Variants in P2RX7 observed in about 807,000 individuals in gnomAD.
P2RX7 encodes the protein P2X purinoceptor 7.
A neutral mutation model predicts 71.6 loss-of-function variants in P2RX7; 62 were observed. That is an observed-to-expected ratio of 0.87 (90% confidence interval 0.71 to 1.07). The LOEUF is 1.07. Among genes scored for constraint, P2RX7 ranks in the 50% least tolerant of loss-of-function variants. P2RX7 has a pLI of 0.00. For synonymous variants in P2RX7, 299 were observed against 283.3 expected, an observed-to-expected ratio of 1.06 and a Z score of -0.56; for missense variants, 686 against 748.5, an observed-to-expected ratio of 0.92 and a Z score of 0.97.
chr12:121,175,945 G>T (rs866304204), intron 9 of P2RX7, among the ~76,000 whole-genome samples: 6 of 151,890 alleles, frequency 4.0e-5, no homozygotes, highest in African/African-American at 1.5e-4. Context: ...TCTTATATAC[G>T]TCCTCCTTGG....
rs3078950 is a variant in P2RX7, at chr12:121,186,053, C to CAAA, written c.*1263_*1265dup. On this transcript the variant is annotated 3_prime_UTR_variant, in exon 13 of 13. Transcript: ENST00000328963. ...TGGGTGACAGAGCGAGACTCCATCT[C>CAAA]AAAAAAAAAAAAAAGAAAAAAAAAA... 2 of 86,650 alleles carry CAAA rather than the reference C, an allele frequency of 2.3e-5. No homozygotes were observed. The highest frequency in any genetic ancestry group is 4.4e-5 in the African/African-American group (1 of 22,854). 5.4% of individuals were successfully genotyped at this position (86,650 alleles called of 1,614,324 possible).
At position 121,166,183 on chromosome 12, in the gene P2RX7, T is replaced by C. The variant is rs758988384; in HGVS notation, c.740T>C (p.Ile247Thr). 6.2e-7 allele frequency: 1 copy of C among 1,612,938 alleles called. No individual in the cohort carries two copies. The highest frequency in any genetic ancestry group is 2.2e-5 in the East Asian group (1 of 44,866). ...ETGDNFSDVA[I>T]QGGIMGIEIY... ...GGCGATAATTTTTCAGATGTGGCAATTCAGGTTGGTGGTGCTTTGTACACT... is the reference window on the plus strand; with the variant it reads ...GGCGATAATTTTTCAGATGTGGCAACTCAGGTTGGTGGTGCTTTGTACACT... Residue 247 changes from isoleucine to threonine, a missense_variant, in exon 7 of 13, where the codon ATT (isoleucine) becomes ACT (threonine). By Grantham distance (89) the Ile-to-Thr change is moderately conservative (BLOSUM62 -1). Transcript: ENST00000328963.
chr12:121,177,518 A>G, intron 11 of P2RX7, 72 bp downstream of exon 11: 2 of 1,449,406 alleles, frequency 1.4e-6, no homozygotes, highest in Non-Finnish European at 1.9e-6. Context: ...ATGCACGAAA[A>G]TTAGGCCCAA....
chr12:121,178,193 A>C (rs79278143), intron 11 of P2RX7, among the ~76,000 whole-genome samples: 1 of 152,204 alleles, frequency 6.6e-6, no homozygotes, highest in African/African-American at 2.4e-5. Flanking sequence ...CCCGCAGTAC[A>C]TGAGTACAAG....
rs1472001025 is a variant in P2RX7, at chr12:121,160,946, A to G, written c.408A>G (p.Lys136=). Residue 136 remains lysine (K), a synonymous_variant, in exon 4 of 13, where the codon AAA becomes AAG. Transcript: ENST00000328963. ...TCTGTTCCTCTGACCGAGGTTGTAA[A>G]AAGGGATGGATGGACCCGCAGAGCA... The part of the protein sequence containing the change: ...RTLCSSDRGC[K]KGWMDPQSKG... 6.2e-7 allele frequency: 1 copy of G among 1,614,000 alleles called. No homozygotes were observed. The highest frequency in any genetic ancestry group is 1.1e-5 in the South Asian group (1 of 91,084).
chr12:121,160,044 G>A (rs1032662723), intron 3 of P2RX7, among the ~76,000 whole-genome samples: 3 of 152,120 alleles, frequency 2.0e-5, no homozygotes, highest in African/African-American at 7.2e-5. Flanking sequence ...TATAATCACA[G>A]AGTTGTGCAA....
intron 1 of P2RX7, among the ~76,000 whole-genome samples, chr12:121,133,939 G>A (rs1872961176): frequency 6.6e-6 from 1 of 151,928 alleles, no homozygotes; most frequent in Non-Finnish European, 1.5e-5. Context: ...GTCCAGGCTG[G>A]TCTCAAACTC....
rs1322279044 is a variant in P2RX7, at chr12:121,164,602, G to A, written c.534-755G>A. Among the ~76,000 whole-genome samples the A allele has an allele frequency of 2.6e-5, 4 of 152,076 alleles. No individual in the cohort carries two copies. In the East Asian group the frequency reaches 7.8e-4, roughly 30 times the overall value. On this transcript the variant is annotated intron_variant, in intron 5 of 12. Transcript: ENST00000328963. ...TCGATACCAGCCTGGCAAACATGGT[G>A]AAACCCCATCTCTACTAAAAAATGC...
At chr12:121,152,205 T>G (rs1414305708) in intron 1 of P2RX7, among the ~76,000 whole-genome samples, 1 of 152,148 alleles carries the variant, frequency 6.6e-6, no homozygotes, top group African/African-American at 2.4e-5. Context: ...GGTCCTGAAC[T>G]CCTAATCTCA....
At chr12:121,136,023 A>AAAATATAT in intron 1 of P2RX7, among the ~76,000 whole-genome samples, 3 of 15,264 alleles carry the variant, frequency 2.0e-4, no homozygotes, top group African/African-American at 3.7e-4. Context: ...AAAAAAAAAA[A>AAAATATAT]ATATATATAT....
Position 121,177,376 on chromosome 12 carries a change from G to A in P2RX7, c.1118G>A (p.Cys373Tyr), listed in dbSNP as rs1279894015. The A allele has an allele frequency of 1.9e-6, 3 of 1,614,008 alleles. No individual in the cohort carries two copies. In the Admixed American group the frequency reaches 5.0e-5, roughly 27 times the overall value. ...CRSHIYPWCK[C>Y]CQPCVVNEYY... ...TCCCATATTTATCCCTGGTGCAAGTGCTGTCAGCCCTGTGTGGTCAACGAA... is the reference window on the plus strand; with the variant it reads ...TCCCATATTTATCCCTGGTGCAAGTACTGTCAGCCCTGTGTGGTCAACGAA... Residue 373 changes from cysteine to tyrosine, a missense_variant, in exon 11 of 13, where the codon TGC becomes TAC. By Grantham distance (194) the Cys-to-Tyr change is radical. Transcript: ENST00000328963.
intron 1 of P2RX7, among the ~76,000 whole-genome samples, chr12:121,147,592 A>G (rs1043493493): frequency 2.5e-5 from 3 of 119,534 alleles, no homozygotes; most frequent in Admixed American, 2.1e-4. Context: ...CAAAATGGGC[A>G]GTTTTTTTTG....
At chr12:121,171,106 T>C (rs974217760) in intron 8 of P2RX7, among the ~76,000 whole-genome samples, 2 of 152,138 alleles carry the variant, frequency 1.3e-5, no homozygotes, top group Non-Finnish European at 2.9e-5. Flanking sequence ...CCTGTGGCTG[T>C]TATGACTAAT....
At chr12:121,163,344 ACACACACACACACG>A (rs1216635262) in intron 5 of P2RX7, among the ~76,000 whole-genome samples, 3 of 127,556 alleles carry the variant, frequency 2.4e-5, no homozygotes, top group African/African-American at 6.2e-5. Flanking sequence ...ACACACACAC[ACACACACACACACG>A]CACACACACA....
In P2RX7 at chr12:121,187,581, T is replaced by C. The variant is rs1425130612; in HGVS notation, c.*2779T>C. 1.3e-5 allele frequency: 2 copies of C among 152,226 alleles called. No homozygotes were observed. Among genetic ancestry groups the C allele is most frequent in the Non-Finnish European group, 2.9e-5 (2 of 68,052 alleles). 9.4% of individuals were successfully genotyped at this position (152,226 alleles called of 1,614,324 possible). ...AATGAGGCCGCAGATGGAGTCAGAA[T>C]GTGAAATTACAAATAATCACTGGAT... On this transcript the variant is annotated 3_prime_UTR_variant, in exon 13 of 13. Transcript: ENST00000328963.
chr12:121,155,503 T>C, intron 2 of P2RX7: 10 of 872,376 alleles, frequency 1.1e-5, no homozygotes, highest in South Asian at 2.9e-5. Context: ...AAAAGAGAAA[T>C]TAAAGTAGGG....
chr12:121,174,206 C>A (rs1882702423), intron 8 of P2RX7, among the ~76,000 whole-genome samples: 1 of 151,708 alleles, frequency 6.6e-6, no homozygotes, highest in Non-Finnish European at 1.5e-5. Flanking sequence ...TGCCACCATG[C>A]ACGGCTAATT....
rs1359575274 is a variant in P2RX7 at position 121,154,814 on chromosome 12, A to T, written c.155A>T (p.Gln52Leu). The change falls in exon 2 of 13, where the codon CAG becomes CTG. Residue 52 changes from glutamine (Q) to leucine (L), a missense_variant. Transcript: ENST00000328963. The surrounding 1 kb of genome is among the most constrained non-coding windows in gnomAD (Gnocchi z 4.2). ...GCTCTGGTGAGTGACAAGCTGTACCAGCGGAAAGAGCCTGTCATCAGTTCT... is the reference window on the plus strand; with the variant it reads ...GCTCTGGTGAGTGACAAGCTGTACCTGCGGAAAGAGCCTGTCATCAGTTCT... ...CFALVSDKLY[Q>L]RKEPVISSVH... is the part of the protein sequence containing the mutation. The T allele has an allele frequency of 1.2e-6, 2 of 1,613,850 alleles. No individual in the cohort carries two copies. The highest frequency in any genetic ancestry group is 1.7e-6 in the Non-Finnish European group (2 of 1,179,822).
chr12:121,172,524 G>A (rs566045046), intron 8 of P2RX7, among the ~76,000 whole-genome samples: 2 of 152,260 alleles, frequency 1.3e-5, no homozygotes, highest in African/African-American at 2.4e-5. Context: ...CCCAGCTGCC[G>A]GGAGGCTGAA....
Sources: allele counts gnomAD v4.1 joint callset (sites outside exome capture counted in the v4.1 genomes callset), GRCh38; gene constraint gnomAD v4.1.1; non-coding constraint Gnocchi (gnomAD v3.1); transcripts MANE v1.5; gene names NCBI Gene and HGNC (gene_info 2026-07-23, HGNC 2026-07-21).